The following SHB variants were observed in gnomAD, a reference collection of about 807,000 sequenced individuals.
The protein encoded by SHB is SH2 domain-containing adapter protein B.
In SHB, 20 loss-of-function variants were observed where a neutral mutation model predicts 52.3. The observed-to-expected ratio is 0.38, with a 90% confidence interval of 0.27 to 0.56. The LOEUF (loss-of-function observed/expected upper bound fraction) is 0.56, where lower values mean the gene tolerates loss of function less well. Ranked by LOEUF, SHB falls within the 20% of genes least tolerant of loss-of-function variation. The pLI, the probability that SHB is intolerant of heterozygous loss-of-function variation, is 0.71. For synonymous variants in SHB, 397 were observed against 316.5 expected (o/e 1.25, Z -2.70); for missense variants, 825 against 723.3 (o/e 1.14, Z -1.61).
intron 3 of SHB, among the ~76,000 whole-genome samples, chr9:37,961,502 T>G (rs1440254969): frequency 6.6e-6 from 1 of 152,192 alleles, no homozygotes; most frequent in Non-Finnish European, 1.5e-5. Context: ...AAATTCATTC[T>G]GGCGCTCAAG....
chr9:38,048,088 C>G (rs1405877711), intron 1 of SHB, among the ~76,000 whole-genome samples: 1 of 152,230 alleles, frequency 6.6e-6, no homozygotes, highest in Admixed American at 6.5e-5. Context: ...AGGTGGAGAG[C>G]CTGTGCTCCC....
chr9:38,024,131 C>G (rs1821313278), intron 1 of SHB, among the ~76,000 whole-genome samples: 1 of 152,236 alleles, frequency 6.6e-6, no homozygotes. Context: ...TCAAAGCCCC[C>G]TCTTGCATCA....
intron 4 of SHB, among the ~76,000 whole-genome samples, 186 bp from the exon 5 acceptor site, chr9:37,948,940 C>T (rs1247746878): frequency 1.3e-5 from 2 of 152,188 alleles, no homozygotes; most frequent in Non-Finnish European, 2.9e-5. Flanking sequence ...GTGAACAAAA[C>T]CCAGTCTCTT....
At chr9:38,003,554 C>A (rs1403772057) in intron 2 of SHB, among the ~76,000 whole-genome samples, 1 of 152,174 alleles carries the variant, frequency 6.6e-6, no homozygotes, top group Non-Finnish European at 1.5e-5. Context: ...GTGGGCTCCA[C>A]CTCCCAGCCC....
chr9:37,942,114 C>T lies in SHB; in HGVS notation c.1346+6521G>A, dbSNP rs138148792. Among the ~76,000 whole-genome samples the T allele has an allele frequency of 7.4e-4, 112 of 152,360 alleles. 1 individual carries two copies. The East Asian group carries it at 0.01, about 14-fold the overall frequency. Reference sequence around the variant, plus strand: ...AAAAGAAAAACAACCCTAACTGCCACGCACCCCCAGTGCCCCTCAGCTCTT... The same window carrying T: ...AAAAGAAAAACAACCCTAACTGCCATGCACCCCCAGTGCCCCTCAGCTCTT... On this transcript the variant is annotated intron_variant, in intron 5 of 5. Transcript: ENST00000377707.
Position 37,919,367 on chromosome 9 carries a change from T to G in SHB, c.*454A>C, listed in dbSNP as rs928025330. 1.8e-5 allele frequency: 3 copies of G among 163,142 alleles called. No homozygotes were observed. Among genetic ancestry groups the G allele is most frequent in the African/African-American group, 7.2e-5 (3 of 41,654 alleles). 10.1% of individuals were successfully genotyped at this position (163,142 alleles called of 1,614,324 possible). A position where few individuals can be genotyped will look rare whatever the true frequency, so the allele number is the denominator to read the frequency against. The stretch of plus-strand genomic sequence containing the variant: ...GGGAACCCCGGGGCCTCCGGGACTC[T>G]CAAAGCACCAGCATTTGGCTCCCAG... On this transcript the variant is annotated 3_prime_UTR_variant, in exon 6 of 6. Coordinates refer to ENST00000377707, the MANE Select transcript of SHB (RefSeq NM_003028.3).
chr9:37,948,793 T>G (rs887230813), intron 4 of SHB, 39 bp from the exon 5 acceptor site: 22 of 1,611,352 alleles, frequency 1.4e-5, no homozygotes, highest in Non-Finnish European at 1.6e-5. Flanking sequence ...CCCAGCGCGA[T>G]GGGATTCCCA....
intron 5 of SHB, among the ~76,000 whole-genome samples, chr9:37,941,760 C>T (rs941526954): frequency 6.6e-6 from 1 of 152,200 alleles, no homozygotes; most frequent in Non-Finnish European, 1.5e-5. Context: ...AGGGAGGTCC[C>T]ACTGTGGCCT....
At chr9:38,067,530 TCA>T (rs1821986144) in intron 1 of SHB, among the ~76,000 whole-genome samples, 2 of 152,096 alleles carry the variant, frequency 1.3e-5, no homozygotes, top group African/African-American at 2.4e-5. Flanking sequence ...GCTCTGGACC[TCA>T]GTTTCCCACC....
intron 2 of SHB, among the ~76,000 whole-genome samples, chr9:37,985,057 T>A (rs1486321956): frequency 6.6e-6 from 1 of 152,070 alleles, no homozygotes; most frequent in Non-Finnish European, 1.5e-5. Flanking sequence ...CTAATTGGAG[T>A]TCTTCTGTCA....
intron 1 of SHB, among the ~76,000 whole-genome samples, chr9:38,019,832 A>G (rs771027214): frequency 1.3e-5 from 2 of 152,238 alleles, no homozygotes; most frequent in South Asian, 2.1e-4. Flanking sequence ...CCATCAATAG[A>G]GGAATCGCTA....
At chr9:38,000,489 C>A (rs565546690) in intron 2 of SHB, among the ~76,000 whole-genome samples, 1 of 152,360 alleles carries the variant, frequency 6.6e-6, no homozygotes, top group African/African-American at 2.4e-5. Context: ...CTGCCCTTCA[C>A]CTTGACCCAA....
At chr9:37,956,217 C>A (rs1832630931) in intron 3 of SHB, among the ~76,000 whole-genome samples, 163 bp from the exon 4 acceptor site, 1 of 152,172 alleles carries the variant, frequency 6.6e-6, no homozygotes, top group Admixed American at 6.5e-5. Context: ...TTTTGGCTTC[C>A]TAAGACAGGA....
intron 2 of SHB, among the ~76,000 whole-genome samples, chr9:37,978,444 C>T (rs1820679926): frequency 6.6e-6 from 1 of 152,174 alleles, no homozygotes; most frequent in Admixed American, 6.5e-5. Flanking sequence ...TAAATTATGG[C>T]ATGTTAACTG....
At chr9:37,940,902 T>C (rs938298292) in intron 5 of SHB, among the ~76,000 whole-genome samples, 1 of 152,070 alleles carries the variant, frequency 6.6e-6, no homozygotes, top group East Asian at 1.9e-4. Context: ...AGCATGGTGA[T>C]GAAAAAGGAT....
Position 38,026,052 on chromosome 9 carries a change from C to G in SHB, c.718-9921G>C, listed in dbSNP as rs375998760. Among the ~76,000 whole-genome samples, 12 of 152,362 alleles carry G rather than the reference C, an allele frequency of 7.9e-5. No homozygotes were observed. The East Asian group carries it at 1.2e-3, about 15-fold the overall frequency. The stretch of plus-strand genomic sequence containing the variant: ...GGCACAGCCTGTTGGTCCCCCACCC[C>G]CTTCCCAAGGAAGGATCAGGAATGC... On this transcript the variant is annotated intron_variant, in intron 1 of 5. Coordinates refer to ENST00000377707, the MANE Select transcript of SHB (RefSeq NM_003028.3).
At chr9:37,963,991 G>A (rs1463191155) in intron 3 of SHB, among the ~76,000 whole-genome samples, 1 of 152,198 alleles carries the variant, frequency 6.6e-6, no homozygotes, top group African/African-American at 2.4e-5. Flanking sequence ...GGCCCAGAGA[G>A]GTGAGGCCCC....
rs1005503083 is a variant in SHB at position 38,020,334 on chromosome 9, A to G, written c.718-4203T>C. 5.9e-5 allele frequency among the ~76,000 whole-genome samples: 9 copies of G among 152,236 alleles called. 1 individual carries two copies. In the South Asian group the frequency reaches 8.3e-4, roughly 14 times the overall value. On this transcript the variant is annotated intron_variant, in intron 1 of 5. Coordinates refer to ENST00000377707, the MANE Select transcript of SHB (RefSeq NM_003028.3). Reference sequence around the variant, plus strand: ...TTAAGGAAACAGATTCCTAGCCCCAATAATCTGTATTTTAACAAGCAAGCC... The same window carrying G: ...TTAAGGAAACAGATTCCTAGCCCCAGTAATCTGTATTTTAACAAGCAAGCC...
At chr9:38,062,575 G>A (rs1168301900) in intron 1 of SHB, among the ~76,000 whole-genome samples, 1 of 152,172 alleles carries the variant, frequency 6.6e-6, no homozygotes, top group African/African-American at 2.4e-5. Flanking sequence ...ACACGGAACA[G>A]AGCTGAATTG....
Sources: allele counts gnomAD v4.1 joint callset (sites outside exome capture counted in the v4.1 genomes callset), GRCh38; gene constraint gnomAD v4.1.1; transcripts MANE v1.5; gene names NCBI Gene and HGNC (gene_info 2026-07-23, HGNC 2026-07-21).